The following BDH1 variants were observed in gnomAD, a reference collection of about 807,000 sequenced individuals.
The protein encoded by BDH1 is D-beta-hydroxybutyrate dehydrogenase, mitochondrial.
BDH1 carries 30 observed loss-of-function variants against 33.1 expected under a neutral mutation model. The observed-to-expected ratio is 0.91, with a 90% CI of 0.68 to 1.23. The LOEUF is 1.23. BDH1 is among the 50% of genes most tolerant of loss of function. BDH1 has a pLI of 0.00. For synonymous variants in BDH1, 190 were observed against 183.6 expected (o/e 1.03, Z -0.28); for missense variants, 443 against 464.4 (o/e 0.95, Z 0.42).
chr3:197,571,693 C>T (rs1426582883), intron 1 of BDH1, among the ~76,000 whole-genome samples: 1 of 152,190 alleles, frequency 6.6e-6, no homozygotes, highest in Non-Finnish European at 1.5e-5. Context: ...TCCATTAAAC[C>T]TCTTTTTCTT....
Position 197,522,503 on chromosome 3 carries a change from A to T in BDH1, c.409+137T>A. On this transcript the variant is annotated intron_variant, in intron 6 of 7. Coordinates refer to ENST00000392379, the MANE Select transcript of BDH1 (RefSeq NM_203314.3). The surrounding 1 kb of genome is among the most constrained non-coding windows in gnomAD (Gnocchi z 4.8). ...TGTTTAGTGTAATCCTCTTCCTCCT[A>T]CTGTGCAGGAGGAAGAGCCTAAACA... 1.9e-6 allele frequency: 2 copies of T among 1,055,764 alleles called. No individual in the cohort carries two copies. The highest frequency in any genetic ancestry group is 2.8e-6 in the Non-Finnish European group (2 of 725,714). 65.4% of individuals were successfully genotyped at this position (1,055,764 alleles called of 1,614,324 possible).
intron 3 of BDH1, 134 bp from the exon 4 acceptor site, chr3:197,533,695 G>A: frequency 1.3e-6 from 1 of 778,800 alleles, no homozygotes. Context: ...TGAGTAAGAG[G>A]CCCTCTTTCC....
At chr3:197,547,568 T>C (rs1189769553) in intron 2 of BDH1, among the ~76,000 whole-genome samples, 3 of 152,268 alleles carry the variant, frequency 2.0e-5, no homozygotes, top group African/African-American at 7.2e-5. Flanking sequence ...TGGTGTTACC[T>C]TTCCAGAACT....
chr3:197,565,109 A>T (rs1358565084), intron 1 of BDH1, among the ~76,000 whole-genome samples: 3 of 152,278 alleles, frequency 2.0e-5, no homozygotes, highest in East Asian at 3.9e-4. Flanking sequence ...TTTAGTATAC[A>T]CAGGGTTTCT....
intron 5 of BDH1, chr3:197,530,856 A>C (rs1311037060): frequency 6.6e-6 from 1 of 152,654 alleles, no homozygotes; most frequent in African/African-American, 2.4e-5. Context: ...ACACTTGTGT[A>C]ACATGGGGAA....
rs1553865645 is a variant in BDH1, at chr3:197,510,599, G to GGGGT, written c.*1295_*1296insACCC. On this transcript the variant is annotated 3_prime_UTR_variant, in exon 8 of 8. Coordinates refer to ENST00000392379, the MANE Select transcript of BDH1 (RefSeq NM_203314.3). ...CCACGCTGAAGCCCTGCAGAACAGGGGTGTGTGTGTGTGTGTGTGTGTGTG... is the reference window on the plus strand; with the variant it reads ...CCACGCTGAAGCCCTGCAGAACAGGGGGGTGTGTGTGTGTGTGTGTGTGTGTGTG... 6.6e-5 allele frequency: 5 copies of GGGGT among 75,376 alleles called. No individual in the cohort carries two copies. Among genetic ancestry groups the GGGGT allele is most frequent in the South Asian group, 6.1e-4 (1 of 1,632 alleles). The allele number at this position is 75,376 out of a possible 1,614,324, so 4.7% of individuals were successfully genotyped here. A position where few individuals can be genotyped will look rare whatever the true frequency, so the allele number is the denominator to read the frequency against.
At chr3:197,558,482 G>A (rs763146333), upstream of BDH1, among the ~76,000 whole-genome samples, 7 of 152,078 alleles carry the variant, frequency 4.6e-5, no homozygotes, top group Non-Finnish European at 7.4e-5. Context: ...ATCAACTCAC[G>A]AATACACCCT....
intron 5 of BDH1, 109 bp downstream of exon 5, chr3:197,532,303 G>A: frequency 1.2e-6 from 1 of 840,352 alleles, no homozygotes. Flanking sequence ...AAATGGACAG[G>A]CTGGTTTAAG....
At chr3:197,538,508 C>A in intron 3 of BDH1, 1 of 381,974 alleles carries the variant, frequency 2.6e-6, no homozygotes, top group South Asian at 2.0e-5. Context: ...TGCATCACCA[C>A]ACCTGGCCAA....
intron 3 of BDH1, among the ~76,000 whole-genome samples, chr3:197,541,418 C>T (rs751832062): frequency 1.6e-4 from 24 of 152,116 alleles, no homozygotes; most frequent in Non-Finnish European, 2.1e-4. Context: ...ATTACTAAAA[C>T]GAGTTCTTAT....
In BDH1 at chr3:197,564,318, T is replaced by TA. The variant is rs1307700847; in HGVS notation, c.-44+8862_-44+8863insT. 3.8e-3 allele frequency among the ~76,000 whole-genome samples: 585 copies of TA among 152,158 alleles called. 3 individuals carry two copies. The highest frequency in any genetic ancestry group is 0.013 in the African/African-American group (549 of 41,494). On this transcript the variant is annotated intron_variant, in intron 1 of 6. Transcript: ENST00000358186. The stretch of plus-strand genomic sequence containing the variant: ...GTAAGTCACAATAAGAGGATTTATT[T>TA]TAAAAAAACCTATATGATCAAGTTG...
At chr3:197,538,405 GC>G in intron 3 of BDH1, 1 of 454,206 alleles carries the variant, frequency 2.2e-6, no homozygotes, top group Non-Finnish European at 4.4e-6. Context: ...AGGCTGGAGT[GC>G]AGTGACACGA....
At chr3:197,557,868 TCC>T (rs1289895349), upstream of BDH1, among the ~76,000 whole-genome samples, 1 of 152,224 alleles carries the variant, frequency 6.6e-6, no homozygotes, top group Non-Finnish European at 1.5e-5. This position sits in a 1 kb window ranked among gnomAD's most constrained non-coding sequence, Gnocchi z 4.6. Flanking sequence ...AGTTTTCTGT[TCC>T]CGTTTCACAG....
chr3:197,567,474 G>GC (rs1717470390), intron 1 of BDH1, among the ~76,000 whole-genome samples: 1 of 152,166 alleles, frequency 6.6e-6, no homozygotes, highest in Admixed American at 6.5e-5. Flanking sequence ...TGACCTGGAA[G>GC]CCCCCTCCCT....
At chr3:197,513,261 C>T (rs529032850) in intron 7 of BDH1, among the ~76,000 whole-genome samples, 7 of 152,196 alleles carry the variant, frequency 4.6e-5, no homozygotes, top group African/African-American at 7.2e-5. Context: ...CCCGGGAAGC[C>T]GAGGCGGATC....
chr3:197,561,728 G>A (rs1271544623), intron 1 of BDH1, among the ~76,000 whole-genome samples: 32 of 151,812 alleles, frequency 2.1e-4, no homozygotes, highest in Non-Finnish European at 2.9e-5. Flanking sequence ...CAAATTACGG[G>A]TAACAAAGCC....
intron 3 of BDH1, 95 bp from the exon 4 acceptor site, chr3:197,533,656 G>T: frequency 3.3e-6 from 4 of 1,212,744 alleles, no homozygotes; most frequent in Non-Finnish European, 4.8e-6. Context: ...CTCCAGCCCC[G>T]GCTCCTGGAG....
chr3:197,529,077 G>T (rs972116949), intron 5 of BDH1: 2 of 152,186 alleles, frequency 1.3e-5, no homozygotes, highest in Non-Finnish European at 2.9e-5. Flanking sequence ...CAGCACCAGG[G>T]ATGCCACACC....
chr3:197,542,378 G>T (rs935846996), intron 3 of BDH1, among the ~76,000 whole-genome samples: 2 of 152,132 alleles, frequency 1.3e-5, no homozygotes, highest in African/African-American at 4.8e-5. Flanking sequence ...TTCCCTGGAG[G>T]GTCTCCTCTG....
Sources: gnomAD v4.1 joint callset for allele counts (sites outside exome capture counted in the v4.1 genomes callset) on GRCh38, gnomAD v4.1.1 for gene constraint, Gnocchi (gnomAD v3.1) non-coding constraint, MANE v1.5 for transcripts, NCBI Gene and HGNC (gene_info 2026-07-23, HGNC 2026-07-21) for gene names.